Variants in CEP135 observed in about 807,000 individuals in gnomAD.
The protein encoded by CEP135 is centrosomal protein 135, also known as centrosomal protein of 135 kDa.
Under a neutral mutation model 157.3 loss-of-function variants are expected in CEP135, and 142 were observed. The ratio of observed to expected loss-of-function variants is 0.90; its 90% CI spans 0.79 to 1.04. The LOEUF (loss-of-function observed/expected upper bound fraction) is 1.04, where lower values mean the gene tolerates loss of function less well. CEP135 is among the 50% of genes least tolerant of loss of function. The probability of loss-of-function intolerance (pLI) is 0.00; values close to 1 mark genes in which losing one functional copy is unlikely to be tolerated. For missense variants in CEP135, 1,317 were observed against 1,309.2 expected (o/e 1.01, Z -0.09); for synonymous variants, 396 against 439.8 (o/e 0.90, Z 1.25).
At position 55,999,357 on chromosome 4, in the gene CEP135, A is replaced by G. The variant is rs139407231; in HGVS notation, c.2065A>G (p.Ile689Val). ...TGATGACTATCAGCACCGACTTTCCATAAAAAGAGGTGAACTTGAATCAGC... is the reference window on the plus strand; with the variant it reads ...TGATGACTATCAGCACCGACTTTCCGTAAAAAGAGGTGAACTTGAATCAGC... ...SVDDYQHRLS[I>V]KRGELESAQA... Residue 689 changes from isoleucine to valine, a missense_variant, in exon 16 of 26, where the codon ATA becomes GTA. Physicochemically the swap from Ile to Val is conservative, Grantham distance 29 (BLOSUM62 3). Coordinates refer to ENST00000257287, the MANE Select transcript of CEP135 (RefSeq NM_025009.5). 682 of 1,614,210 alleles carry G rather than the reference A, an allele frequency of 4.2e-4. 1 individual carries two copies. In the African/African-American group the frequency reaches 7.9e-3, roughly 19 times the overall value.
At chr4:55,971,155 C>T (rs1460929568) in intron 9 of CEP135, 115 bp from the exon 10 acceptor site, 44 of 663,434 alleles carry the variant, frequency 6.6e-5, no homozygotes, top group Non-Finnish European at 1.1e-4. Flanking sequence ...AGTATATGTA[C>T]ACACACGTAT....
At chr4:56,004,415 T>C (rs555525737) in intron 17 of CEP135, among the ~76,000 whole-genome samples, 32 of 152,376 alleles carry the variant, frequency 2.1e-4, no homozygotes, top group Non-Finnish European at 4.1e-4. Flanking sequence ...AAATGTCAGT[T>C]GGGCATATTT....
rs1471858648 is a variant in CEP135 at position 55,999,168 on chromosome 4, T to C, written c.2010-134T>C. The C allele has an allele frequency of 4.6e-6, 3 of 657,190 alleles. No individual in the cohort carries two copies. In the African/African-American group the frequency reaches 5.5e-5, roughly 12 times the overall value. 40.7% of individuals were successfully genotyped at this position (657,190 alleles called of 1,614,324 possible). A position where few individuals can be genotyped will look rare whatever the true frequency, so the allele number is the denominator to read the frequency against. On this transcript the variant is annotated intron_variant, in intron 15 of 25. Transcript: ENST00000257287. ...TAATATATAATGCCATAGATTATAC[T>C]GGAGGAGCTTTAAAATAAAAAATAG... is the stretch of plus-strand genomic sequence containing the variant.
intron 14 of CEP135, among the ~76,000 whole-genome samples, chr4:55,991,539 C>T (rs1354086996): frequency 6.6e-6 from 1 of 151,984 alleles, no homozygotes; most frequent in South Asian, 2.1e-4. Context: ...ACTGTTTCTT[C>T]ACATAGATCT....
intron 1 of CEP135, among the ~76,000 whole-genome samples, chr4:55,949,664 C>G (rs1728295714): frequency 6.6e-6 from 1 of 152,184 alleles, no homozygotes; most frequent in African/African-American, 2.4e-5. Context: ...ACGCCAACCC[C>G]CAGAGTTAAG....
chr4:55,980,960 T>A (rs1729384324), intron 12 of CEP135, among the ~76,000 whole-genome samples: 2 of 152,120 alleles, frequency 1.3e-5, no homozygotes, highest in Non-Finnish European at 2.9e-5. Flanking sequence ...TAGCTTAGAT[T>A]TCAGCTTTCT....
Position 55,974,766 on chromosome 4 carries a change from G to A in CEP135, c.1270G>A (p.Val424Ile). 3 of 1,613,048 alleles carry A rather than the reference G, an allele frequency of 1.9e-6. No homozygotes were observed. Among genetic ancestry groups the A allele is most frequent in the Non-Finnish European group, 1.7e-6 (2 of 1,179,530 alleles). ...AVTERQLTLE[V>I]ERMRLEHGIK... ...TACAGAACGACAACTTACTCTGGAG[G>A]TTGAGAGGATGAGACTAGAACATGG... Residue 424 changes from valine to isoleucine, a missense_variant, in exon 11 of 26, where the codon GTT becomes ATT. Transcript: ENST00000257287.
intron 22 of CEP135, 36 bp downstream of exon 22, chr4:56,017,893 T>C: frequency 6.4e-7 from 1 of 1,550,858 alleles, no homozygotes; most frequent in Non-Finnish European, 8.8e-7. Context: ...CATTGTTTTA[T>C]TGAGCCCTAC....
rs141401678 is a variant in CEP135, at chr4:56,004,926, ATTTTTTT to A, written c.2281-3389_2281-3383del. Among the ~76,000 whole-genome samples, 21 of 126,618 alleles carry A rather than the reference ATTTTTTT, an allele frequency of 1.7e-4. 1 individual carries two copies. The highest frequency in any genetic ancestry group is 6.6e-5 in the Non-Finnish European group (4 of 60,732). 83.1% of individuals were successfully genotyped at this position (126,618 alleles called of 152,430 possible). A position where few individuals can be genotyped will look rare whatever the true frequency, so the allele number is the denominator to read the frequency against. On this transcript the variant is annotated intron_variant, in intron 17 of 25. Coordinates refer to ENST00000257287, the MANE Select transcript of CEP135 (RefSeq NM_025009.5). ...TGATATGTAAGGACTTAATGCTGCC[ATTTTTTT>A]TTTTTTTTTTTGCTTCTTTTCTAGT...
At position 56,006,718 on chromosome 4, in the gene CEP135, G is replaced by A. The variant is rs28770194; in HGVS notation, c.2281-1609G>A. Among the ~76,000 whole-genome samples the A allele has an allele frequency of 4.4e-3, 667 of 152,206 alleles. 7 individuals carry two copies. The highest frequency in any genetic ancestry group is 0.015 in the African/African-American group (638 of 41,532). ...TTGATACCTCAATTTTGAATTCTTG[G>A]CCAGAGAGCTCAGGTGTCACTGTCT... On this transcript the variant is annotated intron_variant, in intron 17 of 25. Transcript: ENST00000257287.
At chr4:55,976,032 T>C (rs764447017) in intron 11 of CEP135, among the ~76,000 whole-genome samples, 3 of 152,088 alleles carry the variant, frequency 2.0e-5, no homozygotes, top group African/African-American at 4.8e-5. Flanking sequence ...GGAGGATCAC[T>C]TGAGGCCAGG....
chr4:56,012,488 T>C (rs1211728882), intron 21 of CEP135, among the ~76,000 whole-genome samples: 1 of 152,234 alleles, frequency 6.6e-6, no homozygotes, highest in African/African-American at 2.4e-5. Context: ...ACATCAAATT[T>C]CCCATTTTAA....
intron 19 of CEP135, among the ~76,000 whole-genome samples, chr4:56,011,159 C>G (rs944489184): frequency 3.3e-5 from 5 of 152,096 alleles, no homozygotes; most frequent in Non-Finnish European, 5.9e-5. Flanking sequence ...TGCTTGAGCC[C>G]AGAAGGTCGA....
rs917029196 is a variant in CEP135, at chr4:56,020,766, T to G, written c.3306T>G (p.Thr1102=). Residue 1102 remains threonine, a synonymous_variant, in exon 24 of 26, where the codon ACT becomes ACG. Coordinates refer to ENST00000257287, the MANE Select transcript of CEP135 (RefSeq NM_025009.5). ...DYDALKRQIS[T]ERYERERAIQ... ...ATGCTCTGAAAAGGCAGATCTCAAC[T>G]GAAAGATACGAACGGTAAGACAAAT... 2 of 1,612,578 alleles carry G rather than the reference T, an allele frequency of 1.2e-6. No homozygotes were observed. Among genetic ancestry groups the G allele is most frequent in the Non-Finnish European group, 1.7e-6 (2 of 1,179,326 alleles).
chr4:56,008,567 G>A (rs1378807234), intron 18 of CEP135, among the ~76,000 whole-genome samples, 185 bp downstream of exon 18: 1 of 151,958 alleles, frequency 6.6e-6, no homozygotes, highest in Non-Finnish European at 1.5e-5. Flanking sequence ...CTCCTTTTCT[G>A]TCATCCACAT....
intron 5 of CEP135, among the ~76,000 whole-genome samples, chr4:55,958,857 G>A (rs1325558038): frequency 6.6e-6 from 1 of 152,154 alleles, no homozygotes; most frequent in African/African-American, 2.4e-5. Context: ...GCCGAGGCAG[G>A]AGGATTGCTT....
At chr4:56,031,219 A>G (rs1731336722) in intron 25 of CEP135, 141 bp from the exon 26 acceptor site, 2 of 152,626 alleles carry the variant, frequency 1.3e-5, no homozygotes, top group African/African-American at 2.4e-5. Flanking sequence ...TACTTCTTAA[A>G]TATAACTGGA....
intron 1 of CEP135, among the ~76,000 whole-genome samples, chr4:55,951,703 C>A (rs190583256): frequency 6.6e-6 from 1 of 152,236 alleles, no homozygotes; most frequent in East Asian, 1.9e-4. Flanking sequence ...TTTGCCTTCT[C>A]TATTTTAATT....
intron 10 of CEP135, among the ~76,000 whole-genome samples, chr4:55,973,600 G>T (rs1289819227): frequency 1.3e-5 from 2 of 152,140 alleles, no homozygotes; most frequent in East Asian, 1.9e-4. Flanking sequence ...ACAAATTAAT[G>T]ATCTCCTCTC....
Sources: gnomAD v4.1 joint callset for allele counts (sites outside exome capture counted in the v4.1 genomes callset) on GRCh38, gnomAD v4.1.1 for gene constraint, MANE v1.5 for transcripts, NCBI Gene and HGNC (gene_info 2026-07-23, HGNC 2026-07-21) for gene names.